Variants in SMAP1 observed in about 807,000 individuals in gnomAD.
SMAP1 encodes the protein small ArfGAP 1.
SMAP1 carries 24 observed loss-of-function variants against 58.5 expected under a neutral mutation model. The ratio of observed to expected loss-of-function variants is 0.41; its 90% confidence interval spans 0.30 to 0.58. SMAP1 has a LOEUF of 0.58. Ranked by LOEUF, SMAP1 falls within the 20% of genes least tolerant of loss-of-function variation. SMAP1 has a pLI of 0.29. For missense variants in SMAP1, 563 were observed against 566.3 expected (o/e 0.99, Z 0.06); for synonymous variants, 216 against 196.6 (o/e 1.10, Z -0.82).
intron 1 of SMAP1, among the ~76,000 whole-genome samples, chr6:70,726,424 A>G (rs1201957047): frequency 2.0e-5 from 3 of 152,214 alleles, no homozygotes; most frequent in African/African-American, 7.2e-5. Context: ...CAGATAAAAC[A>G]ATTAACTGTA....
At chr6:70,811,244 A>C (rs1289444904) in intron 6 of SMAP1, among the ~76,000 whole-genome samples, 1 of 152,154 alleles carries the variant, frequency 6.6e-6, no homozygotes, top group African/African-American at 2.4e-5. Flanking sequence ...TACCTACTAC[A>C]TGCCAAGTGC....
intron 1 of SMAP1, among the ~76,000 whole-genome samples, chr6:70,679,949 G>A (rs930384140): frequency 1.1e-4 from 17 of 152,152 alleles, no homozygotes; most frequent in African/African-American, 4.1e-4. Context: ...CAAAAAGAAT[G>A]TTTGAGGTCT....
chr6:70,773,410 C>T lies in SMAP1; in HGVS notation c.399C>T (p.Ala133=), dbSNP rs970816563. Residue 133 remains alanine (A), a synonymous_variant, in exon 4 of 11, where the codon GCC becomes GCT. Coordinates refer to ENST00000370455, the MANE Select transcript of SMAP1 (RefSeq NM_001044305.3). ...YEKKKYYDKN[A]IAITNISSSD... ...AGAAGAAATACTACGATAAAAATGCCATAGCTATTACAAATGTAAGTAAAA... is the reference window on the plus strand; with the variant it reads ...AGAAGAAATACTACGATAAAAATGCTATAGCTATTACAAATGTAAGTAAAA... 1.3e-5 allele frequency: 21 copies of T among 1,556,760 alleles called. No individual in the cohort carries two copies. Among genetic ancestry groups the T allele is most frequent in the Non-Finnish European group, 1.8e-5 (21 of 1,138,748 alleles).
chr6:70,777,281 C>T (rs1265556773), intron 4 of SMAP1, among the ~76,000 whole-genome samples: 1 of 152,112 alleles, frequency 6.6e-6, no homozygotes, highest in African/African-American at 2.4e-5. Flanking sequence ...CAGAAATCAC[C>T]CGTCTTCTGC....
At chr6:70,854,158 T>C (rs1771302329) in intron 8 of SMAP1, among the ~76,000 whole-genome samples, 1 of 152,228 alleles carries the variant, frequency 6.6e-6, no homozygotes, top group African/African-American at 2.4e-5. Flanking sequence ...TTAGGCATTC[T>C]GAGCATTACC....
chr6:70,800,569 C>T (rs911938484), intron 6 of SMAP1, among the ~76,000 whole-genome samples: 3 of 151,668 alleles, frequency 2.0e-5, no homozygotes, highest in Non-Finnish European at 4.4e-5. Context: ...CACAGTGTGC[C>T]GGTTTGTTAC....
intron 4 of SMAP1, among the ~76,000 whole-genome samples, chr6:70,775,999 G>C (rs1211781992): frequency 1.3e-5 from 2 of 151,922 alleles, no homozygotes; most frequent in East Asian, 3.9e-4. Context: ...AATAAATTTG[G>C]ATCACTTACT....
intron 1 of SMAP1, among the ~76,000 whole-genome samples, chr6:70,726,697 A>C (rs547756271): frequency 6.6e-5 from 10 of 152,318 alleles, no homozygotes; most frequent in Non-Finnish European, 1.2e-4. Flanking sequence ...AAGTGTATTG[A>C]GATCTCAATA....
At chr6:70,781,084 T>G (rs1253349996) in intron 4 of SMAP1, among the ~76,000 whole-genome samples, 1 of 152,236 alleles carries the variant, frequency 6.6e-6, no homozygotes, top group Non-Finnish European at 1.5e-5. Context: ...TGGAGAAATC[T>G]TGGCTTGAGT....
At chr6:70,727,055 T>C (rs1768822672) in intron 1 of SMAP1, among the ~76,000 whole-genome samples, 1 of 152,088 alleles carries the variant, frequency 6.6e-6, no homozygotes, top group Non-Finnish European at 1.5e-5. Context: ...GAATGTACCT[T>C]GTTCTTTACC....
In SMAP1 at chr6:70,723,814, T is replaced by G. The variant is rs573979098; in HGVS notation, c.119-8564T>G. ...ACAGATTATTTTTTTCCTAAAAAAA[T>G]AGCAATTCCGAGGGAATTATTTAAA... On this transcript the variant is annotated intron_variant, in intron 1 of 10. Transcript: ENST00000370455. Among the ~76,000 whole-genome samples, 37 of 152,344 alleles carry G rather than the reference T, an allele frequency of 2.4e-4. No homozygotes were observed. The South Asian group carries it at 6.8e-3, about 28-fold the overall frequency.
chr6:70,706,539 A>G (rs1352284032), intron 1 of SMAP1, among the ~76,000 whole-genome samples: 1 of 152,192 alleles, frequency 6.6e-6, no homozygotes, highest in Non-Finnish European at 1.5e-5. Context: ...GAGGTTAAAG[A>G]GGTAAAGTGA....
chr6:70,813,302 A>G lies in SMAP1; in HGVS notation c.576+14565A>G, dbSNP rs116310995. ...GAGTAAAGATTACCTACCAGTTAATAAATGGGAATAAGGATATTTTATCTT... is the reference window on the plus strand; with the variant it reads ...GAGTAAAGATTACCTACCAGTTAATGAATGGGAATAAGGATATTTTATCTT... On this transcript the variant is annotated intron_variant, in intron 6 of 10. Coordinates refer to ENST00000370455, the MANE Select transcript of SMAP1 (RefSeq NM_001044305.3). Among the ~76,000 whole-genome samples the G allele has an allele frequency of 3.6e-3, 553 of 152,302 alleles. 2 individuals are homozygous for G. Among genetic ancestry groups the G allele is most frequent in the African/African-American group, 0.013 (530 of 41,566 alleles).
chr6:70,783,582 A>C (rs1319522199), intron 4 of SMAP1, among the ~76,000 whole-genome samples: 1 of 152,234 alleles, frequency 6.6e-6, no homozygotes, highest in Non-Finnish European at 1.5e-5. Flanking sequence ...TATAACTAGA[A>C]TAACCAATGC....
In SMAP1 at chr6:70,759,792, G is replaced by C. The variant is rs1275935559; in HGVS notation, c.338+4727G>C. 5 of 372,312 alleles carry C rather than the reference G, an allele frequency of 1.3e-5. No homozygotes were observed. In the Admixed American group the frequency reaches 1.6e-4, roughly 12 times the overall value. The allele number at this position is 372,312 out of a possible 1,614,324, so 23.1% of individuals were successfully genotyped here. On this transcript the variant is annotated intron_variant, in intron 3 of 10. Coordinates refer to ENST00000370455, the MANE Select transcript of SMAP1 (RefSeq NM_001044305.3). ...TGAGATTTTTATAGTGAATTGATTG[G>C]TGTCTATATTGGTAAATCCTTGACG...
intron 4 of SMAP1, among the ~76,000 whole-genome samples, chr6:70,791,180 A>G (rs1019254859): frequency 1.3e-5 from 2 of 152,050 alleles, no homozygotes; most frequent in Non-Finnish European, 2.9e-5. Context: ...CTTTTCTCCT[A>G]GCTTTTTTTC....
intron 4 of SMAP1, among the ~76,000 whole-genome samples, chr6:70,786,704 A>G (rs1246694959): frequency 5.3e-5 from 8 of 152,208 alleles, no homozygotes; most frequent in South Asian, 2.1e-4. Flanking sequence ...CCCCTTCACA[A>G]TTACTACCAA....
In SMAP1 at chr6:70,770,856, T is replaced by C. The variant is rs146531350; in HGVS notation, c.339-2494T>C. 9.2e-3 allele frequency among the ~76,000 whole-genome samples: 1,405 copies of C among 152,324 alleles called. 79 individuals are homozygous for C. The highest frequency in any genetic ancestry group is 0.085 in the Admixed American group (1,298 of 15,300). On this transcript the variant is annotated intron_variant, in intron 3 of 10. Transcript: ENST00000370455. The stretch of plus-strand genomic sequence containing the variant: ...TTTAGAGTTTCCAGTTTTTCTGCTC[T>C]GTTTTTTCCCCATCTTTGTGGTTTT...
chr6:70,756,136 T>C (rs1333567485), intron 3 of SMAP1, among the ~76,000 whole-genome samples: 2 of 152,084 alleles, frequency 1.3e-5, no homozygotes, highest in Non-Finnish European at 2.9e-5. Context: ...CTCATCAAAA[T>C]TGTGCTGCTT....
Sources: allele counts gnomAD v4.1 joint callset (sites outside exome capture counted in the v4.1 genomes callset), GRCh38; gene constraint gnomAD v4.1.1; transcripts MANE v1.5; gene names NCBI Gene and HGNC (gene_info 2026-07-23, HGNC 2026-07-21).